The following GLS variants were observed in gnomAD, a reference collection of about 807,000 sequenced individuals.
GLS encodes glutaminase.
GLS carries 36 observed loss-of-function variants against 86.7 expected under a neutral mutation model. The observed-to-expected ratio is 0.42, with a 90% CI of 0.32 to 0.55. The LOEUF is 0.55. Ranked by LOEUF, GLS falls within the 20% of genes least tolerant of loss-of-function variation. GLS has a pLI of 0.17. For missense variants in GLS, 528 were observed against 833.4 expected (o/e 0.63, Z 4.51); for synonymous variants, 317 against 305.9 (o/e 1.04, Z -0.38).
At chr2:190,882,863 A>C (rs548506422) in intron 1 of GLS, among the ~76,000 whole-genome samples, 16 of 152,290 alleles carry the variant, frequency 1.1e-4, no homozygotes, top group African/African-American at 3.9e-4. Context: ...TACTTCTCTC[A>C]TGTTTTAGGG....
intron 7 of GLS, among the ~76,000 whole-genome samples, chr2:190,916,093 A>C (rs1689522141): frequency 6.6e-6 from 1 of 152,240 alleles, no homozygotes. Flanking sequence ...ATTAGTCCTG[A>C]GTTCATTCTA....
rs891403678 is a variant in GLS, at chr2:190,949,660, C to T, written c.1651-3905C>T. Among the ~76,000 whole-genome samples the T allele has an allele frequency of 2.0e-5, 3 of 152,114 alleles. No homozygotes were observed. The highest frequency in any genetic ancestry group is 7.2e-5 in the African/African-American group (3 of 41,404). On this transcript the variant is annotated intron_variant, in intron 14 of 17. Transcript: ENST00000320717. The surrounding 1 kb of genome is among the most constrained non-coding windows in gnomAD (Gnocchi z 4.0). ...TGAGCCGAGATCTTGCCACTGCACT[C>T]CAGCCTGGGTGACAGAGCGAGACCT... is the stretch of plus-strand genomic sequence containing the variant.
At chr2:190,919,244 T>C (rs898281297) in intron 7 of GLS, among the ~76,000 whole-genome samples, 10 of 152,184 alleles carry the variant, frequency 6.6e-5, no homozygotes, top group African/African-American at 2.2e-4. Flanking sequence ...CAAAATGTTA[T>C]ACTGTATAAT....
chr2:190,961,016 T>G (rs989553108), intron 17 of GLS, among the ~76,000 whole-genome samples: 1 of 152,220 alleles, frequency 6.6e-6, no homozygotes, highest in South Asian at 2.1e-4. Context: ...TTGGAAATAT[T>G]ACTGTGCTTT....
At chr2:190,882,343 T>G (rs1478573276) in intron 1 of GLS, among the ~76,000 whole-genome samples, 1 of 152,234 alleles carries the variant, frequency 6.6e-6, no homozygotes, top group East Asian at 1.9e-4. Flanking sequence ...TAGTTTAGTC[T>G]TAAAGCAAAA....
At chr2:190,884,658 G>A (rs1160339791) in intron 1 of GLS, among the ~76,000 whole-genome samples, 4 of 152,128 alleles carry the variant, frequency 2.6e-5, no homozygotes, top group Non-Finnish European at 4.4e-5. Flanking sequence ...GCATTATTAA[G>A]TTTTTTTATT....
At chr2:190,940,225 T>C (rs1471423318) in intron 14 of GLS, among the ~76,000 whole-genome samples, 1 of 151,976 alleles carries the variant, frequency 6.6e-6, no homozygotes, top group Non-Finnish European at 1.5e-5. Context: ...ACAAGATTTA[T>C]AATGTAAATA....
chr2:190,963,152 G>A lies in GLS; in HGVS notation c.*166G>A. 2 of 479,742 alleles carry A rather than the reference G, an allele frequency of 4.2e-6. No individual in the cohort carries two copies. Among genetic ancestry groups the A allele is most frequent in the Non-Finnish European group, 7.3e-6 (2 of 273,638 alleles). The allele number at this position is 479,742 out of a possible 1,614,324, so 29.7% of individuals were successfully genotyped here. A position where few individuals can be genotyped will look rare whatever the true frequency, so the allele number is the denominator to read the frequency against. ...ACACAGGACAAATCTGATCTCTTTG[G>A]GAAAAAATAGAAATAAAACAATCTC... is the stretch of plus-strand genomic sequence containing the variant. On this transcript the variant is annotated 3_prime_UTR_variant, in exon 18 of 18. Coordinates refer to ENST00000320717, the MANE Select transcript of GLS (RefSeq NM_014905.5).
At chr2:190,885,389 C>G (rs1180453225) in intron 1 of GLS, among the ~76,000 whole-genome samples, 1 of 152,116 alleles carries the variant, frequency 6.6e-6, no homozygotes, top group East Asian at 1.9e-4. Flanking sequence ...GGGGTTTCAC[C>G]ATGTTGGCTG....
intron 14 of GLS, among the ~76,000 whole-genome samples, chr2:190,946,862 T>C (rs1690587731): frequency 6.6e-6 from 1 of 152,220 alleles, no homozygotes; most frequent in African/African-American, 2.4e-5. Context: ...CATCATGGTC[T>C]AGTTGTACAG....
intron 5 of GLS, among the ~76,000 whole-genome samples, chr2:190,902,925 A>G (rs758858126): frequency 6.6e-6 from 1 of 152,186 alleles, no homozygotes; most frequent in Non-Finnish European, 1.5e-5. Context: ...CACAGCTTGA[A>G]AAGTTTATAT....
chr2:190,962,997 T>G lies in GLS; in HGVS notation c.*11T>G. 1 of 1,566,422 alleles carries G rather than the reference T, an allele frequency of 6.4e-7. No homozygotes were observed. Among genetic ancestry groups the G allele is most frequent in the Non-Finnish European group, 8.6e-7 (1 of 1,156,918 alleles). On this transcript the variant is annotated 3_prime_UTR_variant, in exon 18 of 18. Transcript: ENST00000320717. This position sits in a 1 kb window ranked among gnomAD's most constrained non-coding sequence, Gnocchi z 4.2. ...GATGGATTGTTGTAATGGTCTCAAA[T>G]CCCAAGATTTAAATCACTTACCTAT...
intron 14 of GLS, among the ~76,000 whole-genome samples, chr2:190,937,480 AAATAGT>A (rs1453327434): frequency 6.6e-6 from 1 of 151,338 alleles, no homozygotes; most frequent in African/African-American, 2.4e-5. Context: ...TTAACTTTTT[AAATAGT>A]AATAGAAAAG....
intron 5 of GLS, among the ~76,000 whole-genome samples, chr2:190,903,059 G>T (rs989747737): frequency 4.6e-5 from 7 of 152,058 alleles, no homozygotes; most frequent in Admixed American, 2.6e-4. Context: ...ATGAAAATTT[G>T]ATCTTTTATG....
intron 1 of GLS, among the ~76,000 whole-genome samples, chr2:190,889,092 A>G (rs1347049647): frequency 6.6e-6 from 1 of 152,254 alleles, no homozygotes; most frequent in Admixed American, 6.5e-5. Flanking sequence ...TAGCAACTCA[A>G]AAACTGAGAA....
chr2:190,949,008 G>A lies in GLS; in HGVS notation c.1651-4557G>A, dbSNP rs111244406. Reference sequence around the variant, plus strand: ...AATGAATGCTGGGCTGGGATGGCCTGGGGAAGACTGACAGCAAGGAAGGGA... The same window carrying A: ...AATGAATGCTGGGCTGGGATGGCCTAGGGAAGACTGACAGCAAGGAAGGGA... On this transcript the variant is annotated intron_variant, in intron 14 of 17. Transcript: ENST00000320717. This position sits in a 1 kb window ranked among gnomAD's most constrained non-coding sequence, Gnocchi z 4.0. Among the ~76,000 whole-genome samples the A allele has an allele frequency of 0.02, 3,000 of 152,184 alleles. 112 individuals are homozygous for A. Among genetic ancestry groups the A allele is most frequent in the African/African-American group, 0.067 (2,765 of 41,492 alleles).
chr2:190,913,237 T>C lies in GLS; in HGVS notation c.1038+2916T>C. The C allele has an allele frequency of 7.7e-7, 1 of 1,303,458 alleles. No individual in the cohort carries two copies. Among genetic ancestry groups the C allele is most frequent in the Non-Finnish European group, 1.0e-6 (1 of 988,446 alleles). The allele number at this position is 1,303,458 out of a possible 1,614,324, so 80.7% of individuals were successfully genotyped here. A position where few individuals can be genotyped will look rare whatever the true frequency, so the allele number is the denominator to read the frequency against. The stretch of plus-strand genomic sequence containing the variant: ...GAAATGGGGGAAGAGGCAGAGCAAA[T>C]GTTCAAAAGGATTAGCAGATTGTGG... On this transcript the variant is annotated intron_variant, in intron 7 of 17. Coordinates refer to ENST00000320717, the MANE Select transcript of GLS (RefSeq NM_014905.5). This position sits in a 1 kb window ranked among gnomAD's most constrained non-coding sequence, Gnocchi z 6.1.
Position 190,962,744 on chromosome 2 carries a change from C to T in GLS, c.1854-86C>T. Reference sequence around the variant, plus strand: ...AAATAGCTAAATTTGGCCATTTAACCTGCATTTAAAATCTAGGAATGTGGG... The same window carrying T: ...AAATAGCTAAATTTGGCCATTTAACTTGCATTTAAAATCTAGGAATGTGGG... On this transcript the variant is annotated intron_variant, in intron 17 of 17. Coordinates refer to ENST00000320717, the MANE Select transcript of GLS (RefSeq NM_014905.5). The surrounding 1 kb of genome is among the most constrained non-coding windows in gnomAD (Gnocchi z 4.2). 1 of 857,644 alleles carries T rather than the reference C, an allele frequency of 1.2e-6. No individual in the cohort carries two copies. The allele number at this position is 857,644 out of a possible 1,614,324, so 53.1% of individuals were successfully genotyped here. A position where few individuals can be genotyped will look rare whatever the true frequency, so the allele number is the denominator to read the frequency against.
rs958287567 is a variant in GLS at position 190,934,800 on chromosome 2, T to C, written c.1650+3163T>C. On this transcript the variant is annotated intron_variant, in intron 14 of 17. Coordinates refer to ENST00000320717, the MANE Select transcript of GLS (RefSeq NM_014905.5). Reference sequence around the variant, plus strand: ...CATACTTAAAAATGAAGTACTGTTATCTAAGCTACTGTGTTTAGAAAATGT... The same window carrying C: ...CATACTTAAAAATGAAGTACTGTTACCTAAGCTACTGTGTTTAGAAAATGT... 6 of 963,586 alleles carry C rather than the reference T, an allele frequency of 6.2e-6. No individual in the cohort carries two copies. In the African/African-American group the frequency reaches 1.1e-4, roughly 17 times the overall value. 59.7% of individuals were successfully genotyped at this position (963,586 alleles called of 1,614,324 possible). A position where few individuals can be genotyped will look rare whatever the true frequency, so the allele number is the denominator to read the frequency against.
Sources: allele counts gnomAD v4.1 joint callset (sites outside exome capture counted in the v4.1 genomes callset), GRCh38; gene constraint gnomAD v4.1.1; non-coding constraint Gnocchi (gnomAD v3.1); transcripts MANE v1.5; gene names NCBI Gene and HGNC (gene_info 2026-07-23, HGNC 2026-07-21).